The following FAM98A variants were observed in gnomAD, a reference collection of about 807,000 sequenced individuals.
The protein encoded by FAM98A is protein FAM98A.
A neutral mutation model predicts 62.9 loss-of-function variants in FAM98A; 25 were observed. The observed-to-expected ratio is 0.40, with a 90% CI of 0.29 to 0.56. The LOEUF is 0.56. FAM98A is among the 20% of genes least tolerant of loss of function. FAM98A has a pLI of 0.51. For missense variants in FAM98A, 653 were observed against 640.7 expected (o/e 1.02, Z -0.21); for synonymous variants, 252 against 228.6 (o/e 1.10, Z -0.92).
intron 4 of FAM98A, 94 bp downstream of exon 4, chr2:33,588,241 G>T (rs1677601042): frequency 3.1e-6 from 3 of 975,606 alleles, no homozygotes; most frequent in Non-Finnish European, 4.6e-6. Flanking sequence ...TGCACATTAG[G>T]TTCCCATTAA....
At position 33,594,650 on chromosome 2, in the gene FAM98A, TAC is replaced by T. The variant is rs1186512378; in HGVS notation, c.202+837_202+838del. On this transcript the variant is annotated intron_variant, in intron 2 of 7. Coordinates refer to ENST00000238823, the MANE Select transcript of FAM98A (RefSeq NM_015475.5). ...ACACATATATATACACATATATATA[TAC>T]ACACATATATATACACATATATATA... 1.0e-4 allele frequency among the ~76,000 whole-genome samples: 8 copies of T among 80,344 alleles called. 2 individuals are homozygous for T. The highest frequency in any genetic ancestry group is 3.6e-4 in the African/African-American group (3 of 8,430). 52.7% of individuals were successfully genotyped at this position (80,344 alleles called of 152,430 possible). A position where few individuals can be genotyped will look rare whatever the true frequency, so the allele number is the denominator to read the frequency against.
intron 5 of FAM98A, 71 bp downstream of exon 5, chr2:33,587,169 G>T (rs562840081): frequency 2.1e-6 from 2 of 935,674 alleles, no homozygotes. Context: ...AGCACAAAAT[G>T]TAAGTGTTGA....
chr2:33,588,721 T>C, intron 3 of FAM98A: 1 of 391,048 alleles, frequency 2.6e-6, no homozygotes, highest in Non-Finnish European at 4.5e-6. Context: ...AAGCGATATA[T>C]AATGTTTAAA....
In FAM98A at chr2:33,585,401, T is replaced by C; in HGVS notation, c.932A>G (p.Glu311Gly). The change falls in exon 8 of 8, where the codon GAA (glutamate) becomes GGA (glycine). Residue 311 changes from glutamate to glycine, a missense_variant. Glu to Gly is a moderately conservative substitution (Grantham distance 98). Transcript: ENST00000238823. ...CATCTCTGGGGGTGGAGGTTCGATT[T>C]CATTGGGTCTACCACCTCTGTCAGG... Reference protein sequence around the residue: ...RVPDRGGRPNEIEPPPPEMPP... With the variant: ...RVPDRGGRPNGIEPPPPEMPP... The C allele has an allele frequency of 6.2e-7, 1 of 1,614,200 alleles. No homozygotes were observed. Among genetic ancestry groups the C allele is most frequent in the Non-Finnish European group, 8.5e-7 (1 of 1,180,048 alleles).
rs1677898331 is a variant in FAM98A, at chr2:33,599,249, C to T, written c.-28G>A. ...TACTGTGGTATTCAAATTTCCGAGT[C>T]GTCAGGCTCCCCTCTTCGCCGGCAA... is the stretch of plus-strand genomic sequence containing the variant. On this transcript the variant is annotated 5_prime_UTR_variant, in exon 1 of 8. Transcript: ENST00000238823. 2 of 1,600,110 alleles carry T rather than the reference C, an allele frequency of 1.2e-6. No homozygotes were observed. Among genetic ancestry groups the T allele is most frequent in the Non-Finnish European group, 8.6e-7 (1 of 1,167,202 alleles).
chr2:33,591,195 CTT>C (rs201236299), intron 3 of FAM98A, among the ~76,000 whole-genome samples: 1 of 147,044 alleles, frequency 6.8e-6, no homozygotes, highest in East Asian at 2.0e-4. Context: ...GCTATGAACA[CTT>C]TTTTTTTTTT....
In FAM98A at chr2:33,584,959, A is replaced by C. The variant is rs1677502820; in HGVS notation, c.1374T>G (p.Gly458=). ...YQDGGHHGDR[G]GGRGGRGGRG... is the part of the protein sequence containing the mutation. ...GACCACCTCGCCCACCACGACCACC[A>C]CCACGATCACCATGGTGCCCGCCAT... is the stretch of plus-strand genomic sequence containing the variant. Residue 458 remains glycine, a synonymous_variant, in exon 8 of 8, where the codon GGT becomes GGG. Transcript: ENST00000238823. 1 of 1,613,290 alleles carries C rather than the reference A, an allele frequency of 6.2e-7. No homozygotes were observed. The highest frequency in any genetic ancestry group is 8.5e-7 in the Non-Finnish European group (1 of 1,179,794).
At position 33,591,992 on chromosome 2, in the gene FAM98A, TAAAC is replaced by T. The variant is rs1363385405; in HGVS notation, c.337+84_337+87del. ...ATTTTGAATTACATTCATAATGAAA[TAAAC>T]AAACAAAAAACCATGGTCAGTTTAT... On this transcript the variant is annotated intron_variant, in intron 3 of 7. Transcript: ENST00000238823. 101 of 1,175,774 alleles carry T rather than the reference TAAAC, an allele frequency of 8.6e-5. No individual in the cohort carries two copies. The Middle Eastern group carries it at 1.2e-3, about 14-fold the overall frequency. The allele number at this position is 1,175,774 out of a possible 1,614,324, so 72.8% of individuals were successfully genotyped here. A position where few individuals can be genotyped will look rare whatever the true frequency, so the allele number is the denominator to read the frequency against.
In FAM98A at chr2:33,592,509, G is replaced by C. The variant is rs142150847; in HGVS notation, c.203-295C>G. On this transcript the variant is annotated intron_variant, in intron 2 of 7. Transcript: ENST00000238823. Reference sequence around the variant, plus strand: ...GTCTCCGGAATAGCTGGGCCTACAGGTGTATGCTACCATGCCTGGCTAATA... The same window carrying C: ...GTCTCCGGAATAGCTGGGCCTACAGCTGTATGCTACCATGCCTGGCTAATA... 1.9e-3 allele frequency among the ~76,000 whole-genome samples: 294 copies of C among 152,190 alleles called. 3 individuals carry two copies. The highest frequency in any genetic ancestry group is 6.7e-3 in the African/African-American group (278 of 41,504).
chr2:33,587,633 A>C, intron 4 of FAM98A: 1 of 289,730 alleles, frequency 3.5e-6, no homozygotes, highest in Non-Finnish European at 6.7e-6. Flanking sequence ...TCCCCTGTAG[A>C]GTTCAGCCAA....
chr2:33,587,210 C>A (rs368337718), intron 5 of FAM98A, 30 bp downstream of exon 5: 3 of 1,373,656 alleles, frequency 2.2e-6, no homozygotes, highest in Non-Finnish European at 3.1e-6. Flanking sequence ...TAGTTCTTTA[C>A]AAAGTTTACT....
At chr2:33,588,567 T>C (rs1318878062) in intron 3 of FAM98A, 48 bp from the exon 4 acceptor site, 17 of 1,514,394 alleles carry the variant, frequency 1.1e-5, no homozygotes, top group Non-Finnish European at 1.5e-5. Context: ...GCTATAGTTA[T>C]AGTCATAAGT....
Position 33,588,325 on chromosome 2 carries a change from A to C in FAM98A, c.522+10T>G. 1 of 1,606,070 alleles carries C rather than the reference A, an allele frequency of 6.2e-7. No homozygotes were observed. The highest frequency in any genetic ancestry group is 8.5e-7 in the Non-Finnish European group (1 of 1,174,864). Reference sequence around the variant, plus strand: ...TTTAATACACTACAATTTGGTACTAAAGGTCTTACTTTTTTTTCAATCCCG... The same window carrying C: ...TTTAATACACTACAATTTGGTACTACAGGTCTTACTTTTTTTTCAATCCCG... On this transcript the variant is annotated intron_variant, in intron 4 of 7. Transcript: ENST00000238823.
At position 33,586,514 on chromosome 2, in the gene FAM98A, G is replaced by A. The variant is rs759961791; in HGVS notation, c.720+48C>T. On this transcript the variant is annotated intron_variant, in intron 6 of 7. Transcript: ENST00000238823. ...GTAGCTAAATTGTTTAGATGTTCAG[G>A]GATCATGTCTATAAATAGTCTGCTC... The A allele has an allele frequency of 6.5e-6, 8 of 1,230,250 alleles. No homozygotes were observed. In the African/African-American group the frequency reaches 9.0e-5, roughly 14 times the overall value. The allele number at this position is 1,230,250 out of a possible 1,614,324, so 76.2% of individuals were successfully genotyped here. A position where few individuals can be genotyped will look rare whatever the true frequency, so the allele number is the denominator to read the frequency against.
intron 2 of FAM98A, 78 bp from the exon 3 acceptor site, chr2:33,592,292 A>T (rs892195416): frequency 1.4e-5 from 16 of 1,142,304 alleles, no homozygotes; most frequent in Admixed American, 6.6e-5. Flanking sequence ...TATATAATTG[A>T]AATTGTTAAT....
intron 1 of FAM98A, among the ~76,000 whole-genome samples, chr2:33,598,816 T>C (rs973205066): frequency 6.6e-6 from 1 of 151,856 alleles, no homozygotes; most frequent in Non-Finnish European, 1.5e-5. Flanking sequence ...TGGCAACCTT[T>C]AGAGTTGAGG....
rs554834149 is a variant in FAM98A at position 33,595,101 on chromosome 2, C to T, written c.202+388G>A. ...ACAGAATAATAATGCATTTACTCTA[C>T]ATGCTATAGATGCTTCTAGAATCTG... On this transcript the variant is annotated intron_variant, in intron 2 of 7. Transcript: ENST00000238823. Among the ~76,000 whole-genome samples, 305 of 152,360 alleles carry T rather than the reference C, an allele frequency of 2.0e-3. 2 individuals are homozygous for T. Among genetic ancestry groups the T allele is most frequent in the African/African-American group, 6.8e-3 (284 of 41,582 alleles).
chr2:33,592,312 A>C, intron 2 of FAM98A, 98 bp from the exon 3 acceptor site: 1 of 1,010,828 alleles, frequency 9.9e-7, no homozygotes. Context: ...TAGGATTTTC[A>C]TAACTTGAGT....
chr2:33,596,031 T>C (rs1677804675), intron 1 of FAM98A, among the ~76,000 whole-genome samples: 1 of 152,216 alleles, frequency 6.6e-6, no homozygotes, highest in African/African-American at 2.4e-5. Flanking sequence ...AAATAAAACT[T>C]AGGTTATCTT....
Sources: allele counts gnomAD v4.1 joint callset (sites outside exome capture counted in the v4.1 genomes callset), GRCh38; gene constraint gnomAD v4.1.1; transcripts MANE v1.5; gene names NCBI Gene and HGNC (gene_info 2026-07-23, HGNC 2026-07-21).